Variants in CDH18 observed in about 807,000 individuals in gnomAD.
CDH18 encodes the protein cadherin-18.
In CDH18, 31 loss-of-function variants were observed where a neutral mutation model predicts 67.9. That is an observed-to-expected ratio of 0.46 (90% confidence interval 0.34 to 0.62). The LOEUF (loss-of-function observed/expected upper bound fraction) is 0.62, where lower values mean the gene tolerates loss of function less well. Among genes scored for constraint, CDH18 ranks in the 20% least tolerant of loss-of-function variants. The pLI is 0.01. For synonymous variants in CDH18, 362 were observed against 347.2 expected (o/e 1.04, Z -0.48); for missense variants, 890 against 975.5 (o/e 0.91, Z 1.17).
chr5:20,566,367 T>C (rs1198856315), intron 1 of CDH18, among the ~76,000 whole-genome samples: 2 of 146,760 alleles, frequency 1.4e-5, no homozygotes, highest in Non-Finnish European at 1.5e-5. Context: ...TTTCTTTTTT[T>C]TTTTTTTTTT....
chr5:20,239,299 CA>C (rs927662733), intron 2 of CDH18, among the ~76,000 whole-genome samples: 1 of 151,896 alleles, frequency 6.6e-6, no homozygotes, highest in East Asian at 2.0e-4. Flanking sequence ...TACTAAAATA[CA>C]AAAAAACTAT....
chr5:19,578,201 T>C (rs2149970546), intron 7 of CDH18, among the ~76,000 whole-genome samples: 1 of 152,314 alleles, frequency 6.6e-6, no homozygotes, highest in African/African-American at 2.4e-5. Context: ...CGAATGTAAA[T>C]TTGTCTGCTT....
At chr5:20,263,340 A>T (rs1017776849) in intron 1 of CDH18, among the ~76,000 whole-genome samples, 7 of 152,064 alleles carry the variant, frequency 4.6e-5, no homozygotes, top group Non-Finnish European at 7.4e-5. Context: ...TTGGATAGAT[A>T]TTTTTTTGAC....
chr5:19,569,256 C>G (rs1200653483), intron 8 of CDH18, among the ~76,000 whole-genome samples: 2 of 152,154 alleles, frequency 1.3e-5, no homozygotes, highest in African/African-American at 4.8e-5. Context: ...ACCCAAGCTC[C>G]TCATGTACAG....
intron 9 of CDH18, among the ~76,000 whole-genome samples, chr5:19,523,661 G>A (rs1283367030): frequency 6.6e-6 from 1 of 152,048 alleles, no homozygotes; most frequent in Non-Finnish European, 1.5e-5. Flanking sequence ...ATACTAAGAA[G>A]TTTGGCAAGA....
intron 1 of CDH18, among the ~76,000 whole-genome samples, chr5:19,987,555 A>C (rs1799697197): frequency 6.6e-6 from 1 of 152,148 alleles, no homozygotes; most frequent in Admixed American, 6.5e-5. Flanking sequence ...AAAGAATGAA[A>C]GAATATAAAT....
At chr5:19,774,426 T>TTAAAATAAAATAAAATAAAATAAAA (rs70950101) in intron 3 of CDH18, among the ~76,000 whole-genome samples, 8,328 of 139,330 alleles carry the variant, frequency 0.06, 315 homozygotes, top group Non-Finnish European at 0.069. Flanking sequence ...TAAAATAAAA[T>TTAAAATAAAATAAAATAAAATAAAA]TAAAATAAAA....
intron 10 of CDH18, among the ~76,000 whole-genome samples, chr5:19,513,308 T>A (rs1745415212): frequency 6.6e-6 from 1 of 152,100 alleles, no homozygotes; most frequent in East Asian, 1.9e-4. Flanking sequence ...CAAACTTTAC[T>A]TTTCTAAAAA....
At chr5:20,431,687 A>G (rs1013232293) in intron 1 of CDH18, among the ~76,000 whole-genome samples, 1 of 152,064 alleles carries the variant, frequency 6.6e-6, no homozygotes, top group African/African-American at 2.4e-5. Flanking sequence ...TAATTTTTCT[A>G]CTTTGCTTTC....
At chr5:20,564,839 G>C (rs998159096) in intron 1 of CDH18, among the ~76,000 whole-genome samples, 17 of 152,076 alleles carry the variant, frequency 1.1e-4, no homozygotes, top group African/African-American at 3.6e-4. Context: ...TTTATATTAA[G>C]TATAGTTTCA....
intron 2 of CDH18, among the ~76,000 whole-genome samples, chr5:20,068,469 G>A (rs985174202): frequency 6.6e-6 from 1 of 152,066 alleles, no homozygotes. Context: ...GTGAACATAG[G>A]GTATATGGGA....
intron 2 of CDH18, among the ~76,000 whole-genome samples, chr5:20,038,826 G>A (rs1561738420): frequency 6.6e-6 from 1 of 152,094 alleles, no homozygotes; most frequent in Non-Finnish European, 1.5e-5. Context: ...TCAACAAAGT[G>A]TTGGAAGATC....
chr5:20,483,682 G>A (rs1334578802), intron 1 of CDH18, among the ~76,000 whole-genome samples: 2 of 151,052 alleles, frequency 1.3e-5, no homozygotes, highest in Non-Finnish European at 3.0e-5. Flanking sequence ...TTGGGAAAAG[G>A]ACACACACAT....
intron 11 of CDH18, among the ~76,000 whole-genome samples, chr5:19,495,503 G>C (rs888547216): frequency 2.6e-5 from 4 of 151,966 alleles, no homozygotes; most frequent in African/African-American, 9.7e-5. Context: ...CACTTTGGGA[G>C]GCCGAGATGG....
chr5:19,996,664 G>T (rs1736044183), intron 2 of CDH18, among the ~76,000 whole-genome samples: 1 of 151,888 alleles, frequency 6.6e-6, no homozygotes, highest in African/African-American at 2.4e-5. Context: ...TTCTGTTCAT[G>T]TGGTTACTAG....
intron 7 of CDH18, among the ~76,000 whole-genome samples, chr5:19,584,793 C>CA (rs61297842): frequency 0.14 from 10,620 of 75,026 alleles, 842 homozygotes; most frequent in Middle Eastern, 0.2. Flanking sequence ...ACTAAAAATA[C>CA]AAAAAAAAAA....
In CDH18 at chr5:20,229,881, A is replaced by G. The variant is rs1391489267; in HGVS notation, c.-518+25563T>C. ...AGGAGCATTGTAAATTAATAATATGATTACAGTGTTATTTTCATTATTTAT... is the reference window on the plus strand; with the variant it reads ...AGGAGCATTGTAAATTAATAATATGGTTACAGTGTTATTTTCATTATTTAT... On this transcript the variant is annotated intron_variant, in intron 2 of 14. Coordinates refer to the CDH18 transcript ENST00000507958. 3.3e-5 allele frequency among the ~76,000 whole-genome samples: 5 copies of G among 152,170 alleles called. No individual in the cohort carries two copies. The South Asian group carries it at 1.0e-3, about 32-fold the overall frequency.
chr5:20,078,442 G>A (rs892417087), intron 2 of CDH18, among the ~76,000 whole-genome samples: 1 of 151,734 alleles, frequency 6.6e-6, no homozygotes, highest in Non-Finnish European at 1.5e-5. Flanking sequence ...CAGCCTGGGT[G>A]ACAGAATGAG....
intron 1 of CDH18, among the ~76,000 whole-genome samples, chr5:20,496,165 C>T (rs560932823): frequency 3.9e-4 from 60 of 152,148 alleles, no homozygotes; most frequent in African/African-American, 1.3e-3. Flanking sequence ...TTTAGGTCAA[C>T]ACAGGACTTA....
Sources: allele counts gnomAD v4.1 joint callset (sites outside exome capture counted in the v4.1 genomes callset), GRCh38; gene constraint gnomAD v4.1.1; transcripts MANE v1.5; gene names NCBI Gene and HGNC (gene_info 2026-07-23, HGNC 2026-07-21).